MCM9: variants seen among roughly 807,000 people sequenced by gnomAD.
MCM9 encodes the protein minichromosome maintenance 9 homologous recombination repair factor, also known as DNA helicase MCM9.
A neutral mutation model predicts 72.8 loss-of-function variants in MCM9; 55 were observed. The ratio of observed to expected loss-of-function variants is 0.76; its 90% CI spans 0.61 to 0.95. The LOEUF (loss-of-function observed/expected upper bound fraction) is 0.95. MCM9 is among the 40% of genes least tolerant of loss of function. The pLI, the probability that MCM9 is intolerant of heterozygous loss-of-function variation, is 0.00. For synonymous variants in MCM9, 480 were observed against 503.4 expected, an observed-to-expected ratio of 0.95 and a Z score of 0.62; for missense variants, 1,279 against 1,377.0, an observed-to-expected ratio of 0.93 and a Z score of 1.13.
chr6:118,834,471 C>G (rs890643220), intron 9 of MCM9, among the ~76,000 whole-genome samples: 3 of 152,100 alleles, frequency 2.0e-5, no homozygotes, highest in Non-Finnish European at 4.4e-5. Context: ...ATTTACACAC[C>G]CACCAACAGT....
intron 8 of MCM9, among the ~76,000 whole-genome samples, chr6:118,894,867 C>T (rs539381115): frequency 6.6e-6 from 1 of 152,140 alleles, no homozygotes; most frequent in Non-Finnish European, 1.5e-5. Context: ...CCGCCAACAG[C>T]CTCCGCGACC....
intron 4 of MCM9, among the ~76,000 whole-genome samples, chr6:118,923,029 C>CAAAAAAAAAAA (rs780562520): frequency 2.1e-4 from 9 of 43,500 alleles, no homozygotes; most frequent in South Asian, 8.1e-4. Context: ...AACTCCATCT[C>CAAAAAAAAAAA]AAAAAAAAAA....
At chr6:118,929,659 A>G (rs1469297594) in intron 3 of MCM9, among the ~76,000 whole-genome samples, 11 of 152,098 alleles carry the variant, frequency 7.2e-5, no homozygotes, top group African/African-American at 2.7e-4. Context: ...CCCCTTAATA[A>G]TCCTTTTGCA....
At chr6:118,891,514 T>G (rs1254919240) in intron 8 of MCM9, among the ~76,000 whole-genome samples, 1 of 152,202 alleles carries the variant, frequency 6.6e-6, no homozygotes, top group East Asian at 1.9e-4. Flanking sequence ...AAAGCCTCTT[T>G]GCTTGGCTTG....
chr6:118,910,047 G>C (rs1780425613), intron 8 of MCM9, among the ~76,000 whole-genome samples: 1 of 147,414 alleles, frequency 6.8e-6, no homozygotes, highest in African/African-American at 2.5e-5. Flanking sequence ...AACCCAGGAA[G>C]CAGAGGTTGC....
chr6:118,894,610 G>A, intron 8 of MCM9: 1 of 1,178,994 alleles, frequency 8.5e-7, no homozygotes. Context: ...CTGGGCGGCT[G>A]TGTTCGGCGC....
chr6:118,845,947 A>G (rs1417635785), intron 9 of MCM9, among the ~76,000 whole-genome samples: 2 of 151,838 alleles, frequency 1.3e-5, no homozygotes, highest in Non-Finnish European at 2.9e-5. Context: ...AAAGGATATG[A>G]ACAAATCTCA....
intron 9 of MCM9, among the ~76,000 whole-genome samples, chr6:118,837,525 G>C (rs1176411158): frequency 6.6e-6 from 1 of 152,172 alleles, no homozygotes; most frequent in Non-Finnish European, 1.5e-5. Context: ...AGGTCTCTAA[G>C]AACTTGCTTT....
intron 6 of MCM9, among the ~76,000 whole-genome samples, chr6:118,916,796 C>T (rs1274470876): frequency 1.3e-5 from 2 of 152,096 alleles, no homozygotes; most frequent in Admixed American, 6.5e-5. Flanking sequence ...GCCACCATGC[C>T]CAGCTAGAAG....
chr6:118,843,684 A>G lies in MCM9; in HGVS notation c.1325+12687T>C, dbSNP rs867812916. On this transcript the variant is annotated intron_variant, in intron 9 of 13. Coordinates refer to ENST00000619706, the MANE Select transcript of MCM9 (RefSeq NM_017696.3). ...TATATATATATGTATGTATATATAT[A>G]TGTGTATATATATATATATGTATGT... 4.7e-4 allele frequency among the ~76,000 whole-genome samples: 34 copies of G among 72,732 alleles called. 1 individual carries two copies. The highest frequency in any genetic ancestry group is 1.6e-3 in the South Asian group (3 of 1,848). 47.7% of individuals were successfully genotyped at this position (72,732 alleles called of 152,430 possible).
chr6:118,832,190 A>C (rs1279435155), intron 9 of MCM9, among the ~76,000 whole-genome samples: 2 of 152,182 alleles, frequency 1.3e-5, no homozygotes, highest in Non-Finnish European at 2.9e-5. Flanking sequence ...CCTATCAAGT[A>C]GCTAGCATTA....
At chr6:118,883,451 T>C (rs1424674222) in intron 8 of MCM9, among the ~76,000 whole-genome samples, 1 of 72,060 alleles carries the variant, frequency 1.4e-5, no homozygotes, top group Non-Finnish European at 3.8e-5. Flanking sequence ...TCTCCAAATT[T>C]GATGAAAAAC....
In MCM9 at chr6:118,911,787, C is replaced by T; in HGVS notation, c.1031-18G>A. 1 of 1,589,658 alleles carries T rather than the reference C, an allele frequency of 6.3e-7. No individual in the cohort carries two copies. The highest frequency in any genetic ancestry group is 8.6e-7 in the Non-Finnish European group (1 of 1,161,054). Reference sequence around the variant, plus strand: ...AGATTCTCCTAGGAAAAAGCAAATACATGAAGTTTTAAATTTCTATAAAAG... The same window carrying T: ...AGATTCTCCTAGGAAAAAGCAAATATATGAAGTTTTAAATTTCTATAAAAG... On this transcript the variant is annotated intron_variant, in intron 7 of 13. Transcript: ENST00000619706.
At chr6:118,834,474 C>A (rs556525987) in intron 9 of MCM9, among the ~76,000 whole-genome samples, 2 of 152,172 alleles carry the variant, frequency 1.3e-5, no homozygotes, top group Admixed American at 1.3e-4. Flanking sequence ...TACACACCCA[C>A]CAACAGTGTA....
At chr6:118,931,282 A>T (rs1782404361) in intron 3 of MCM9, 138 bp downstream of exon 3, 1 of 743,262 alleles carries the variant, frequency 1.3e-6, no homozygotes, top group Admixed American at 3.0e-5. Context: ...TCTGCTCTAA[A>T]AGAAGTGACC....
At chr6:118,879,248 GA>G (rs36165777) in intron 8 of MCM9, among the ~76,000 whole-genome samples, 86,190 of 145,096 alleles carry the variant, frequency 0.59, 25,563 homozygotes, top group African/African-American at 0.66. Flanking sequence ...AATGGAGGGG[GA>G]AAAAAAAAAA....
chr6:118,859,111 A>G lies in MCM9; in HGVS notation c.1151-2566T>C, dbSNP rs148150179. 8.0e-3 allele frequency among the ~76,000 whole-genome samples: 1,215 copies of G among 152,330 alleles called. 10 individuals are homozygous for G. Among genetic ancestry groups the G allele is most frequent in the Middle Eastern group, 0.014 (4 of 294 alleles). On this transcript the variant is annotated intron_variant, in intron 8 of 13. Coordinates refer to ENST00000619706, the MANE Select transcript of MCM9 (RefSeq NM_017696.3). ...AGAATCCAAAAGTTGTCCCACACATAGAAGGTCAAGTGATTTTTTATAGAA... is the reference window on the plus strand; with the variant it reads ...AGAATCCAAAAGTTGTCCCACACATGGAAGGTCAAGTGATTTTTTATAGAA...
intron 9 of MCM9, among the ~76,000 whole-genome samples, chr6:118,838,034 A>T (rs1280406090): frequency 6.6e-6 from 1 of 151,706 alleles, no homozygotes; most frequent in Non-Finnish European, 1.5e-5. Context: ...TTCCTTCAGG[A>T]GCTCTTGTAA....
Position 118,907,443 on chromosome 6 carries a change from A to G in MCM9, c.1150+4207T>C, listed in dbSNP as rs776191240. Reference sequence around the variant, plus strand: ...TGGCATCTAATCCCAGGGTCACAAGATTCCACATTAATTGGGAAGATAACA... The same window carrying G: ...TGGCATCTAATCCCAGGGTCACAAGGTTCCACATTAATTGGGAAGATAACA... On this transcript the variant is annotated intron_variant, in intron 8 of 13. Coordinates refer to ENST00000619706, the MANE Select transcript of MCM9 (RefSeq NM_017696.3). The G allele has an allele frequency of 5.6e-6, 9 of 1,611,334 alleles. No homozygotes were observed. In the East Asian group the frequency reaches 6.7e-5, roughly 12 times the overall value.
Sources: gnomAD v4.1 joint callset for allele counts (sites outside exome capture counted in the v4.1 genomes callset) on GRCh38, gnomAD v4.1.1 for gene constraint, MANE v1.5 for transcripts, NCBI Gene and HGNC (gene_info 2026-07-23, HGNC 2026-07-21) for gene names.